The following IL31RA variants were observed in gnomAD, a reference collection of about 807,000 sequenced individuals.
IL31RA encodes interleukin 31 receptor A.
Under a neutral mutation model 83.7 loss-of-function variants are expected in IL31RA, and 66 were observed. That is an observed-to-expected ratio of 0.79 (90% CI 0.65 to 0.97). The LOEUF is 0.97. IL31RA is among the 50% of genes least tolerant of loss of function. The pLI is 0.00. For missense variants in IL31RA, 798 were observed against 919.4 expected, an observed-to-expected ratio of 0.87 and a Z score of 1.71; for synonymous variants, 325 against 329.0, an observed-to-expected ratio of 0.99 and a Z score of 0.13.
chr5:55,890,034 AG>A lies in IL31RA; in HGVS notation c.672del (p.Gln224HisfsTer8). On this transcript the variant is annotated frameshift_variant, in exon 6 of 15. Coordinates refer to ENST00000652347, the MANE Select transcript of IL31RA (RefSeq NM_139017.7). LOFTEE classifies it high-confidence loss of function. ...KNQTYNLTGL[Q>X]PFTEYVIALR... ...CAAACGTACAACCTCACGGGGCTGC[AG>A]CCTTTTACAGAATATGTCATAGCTC... 6.2e-7 allele frequency: 1 copy of A among 1,614,088 alleles called. No individual in the cohort carries two copies. The highest frequency in any genetic ancestry group is 8.5e-7 in the Non-Finnish European group (1 of 1,179,932).
At chr5:55,904,835 C>CTTTTTT (rs10651049) in intron 8 of IL31RA, among the ~76,000 whole-genome samples, 1 of 132,894 alleles carries the variant, frequency 7.5e-6, no homozygotes, top group Non-Finnish European at 1.6e-5. Flanking sequence ...TTTTGGGTTT[C>CTTTTTT]TTTTTTTTTT....
chr5:55,905,838 A>G (rs991556844), intron 8 of IL31RA, among the ~76,000 whole-genome samples: 2 of 152,230 alleles, frequency 1.3e-5, no homozygotes, highest in African/African-American at 4.8e-5. Context: ...CTTTTTAGTC[A>G]TCAACTGTCT....
intron 9 of IL31RA, 40 bp from the exon 10 acceptor site, chr5:55,907,319 G>A (rs373775248): frequency 5.8e-5 from 73 of 1,249,988 alleles, no homozygotes; most frequent in South Asian, 1.3e-4. Flanking sequence ...CCACTCTGCC[G>A]TGCTCTGCAC....
intron 6 of IL31RA, 95 bp downstream of exon 6, chr5:55,890,230 C>A: frequency 8.1e-7 from 1 of 1,236,400 alleles, no homozygotes; most frequent in Non-Finnish European, 1.2e-6. Context: ...GGTTGGGAAT[C>A]ATGGAATCTC....
At chr5:55,854,968 C>T (rs1254561254) in intron 1 of IL31RA, among the ~76,000 whole-genome samples, 1 of 152,044 alleles carries the variant, frequency 6.6e-6, no homozygotes, top group Non-Finnish European at 1.5e-5. Context: ...ACAGGGCACC[C>T]TTCTACTTGA....
chr5:55,874,303 T>A lies in IL31RA; in HGVS notation c.454+1852T>A, dbSNP rs150341535. ...TAGGCCAATACCACACTGTCTTGAT[T>A]ACTGTAGCCTTATAATAAGTTTTGA... On this transcript the variant is annotated intron_variant, in intron 4 of 14. Transcript: ENST00000652347. Among the ~76,000 whole-genome samples, 209 of 152,256 alleles carry A rather than the reference T, an allele frequency of 1.4e-3. 1 individual carries two copies. The Middle Eastern group carries it at 0.017, about 12-fold the overall frequency.
chr5:55,883,857 G>A (rs1306930933), intron 5 of IL31RA, among the ~76,000 whole-genome samples: 1 of 152,084 alleles, frequency 6.6e-6, no homozygotes, highest in Non-Finnish European at 1.5e-5. Context: ...GCATATAAAG[G>A]GAATCCATAT....
At chr5:55,908,514 A>T (rs1344396358) in intron 11 of IL31RA, 103 bp downstream of exon 11, 10 of 1,609,266 alleles carry the variant, frequency 6.2e-6, no homozygotes, top group Non-Finnish European at 7.6e-6. Context: ...TGTGACTTGC[A>T]ACCTGGCATG....
intron 8 of IL31RA, 47 bp downstream of exon 8, chr5:55,900,179 T>C: frequency 7.3e-7 from 1 of 1,372,102 alleles, no homozygotes; most frequent in Non-Finnish European, 1.0e-6. Flanking sequence ...TCCCATCAAT[T>C]GGCCAAGGAG....
intron 6 of IL31RA, among the ~76,000 whole-genome samples, chr5:55,891,600 C>A (rs898584682): frequency 3.3e-5 from 5 of 152,000 alleles, no homozygotes; most frequent in Non-Finnish European, 7.4e-5. Flanking sequence ...TGTGTCAAAC[C>A]TCTCTGCCTC....
intron 13 of IL31RA, among the ~76,000 whole-genome samples, chr5:55,914,411 A>T (rs891880640): frequency 6.6e-6 from 1 of 152,216 alleles, no homozygotes; most frequent in Non-Finnish European, 1.5e-5. Context: ...GTTCATTTCT[A>T]ACAAGTTCCC....
At chr5:55,899,583 C>T (rs1748680550) in intron 7 of IL31RA, among the ~76,000 whole-genome samples, 1 of 152,234 alleles carries the variant, frequency 6.6e-6, no homozygotes, top group Non-Finnish European at 1.5e-5. Context: ...GGGAATGTGT[C>T]AGCTTTTTAG....
intron 2 of IL31RA, among the ~76,000 whole-genome samples, chr5:55,861,228 G>A (rs973297381): frequency 3.3e-5 from 5 of 152,152 alleles, no homozygotes; most frequent in African/African-American, 4.8e-5. Flanking sequence ...CTTCTGTCCT[G>A]GCATGGCCTG....
chr5:55,851,458 A>C lies in IL31RA; in HGVS notation c.-113A>C. The C allele has an allele frequency of 6.2e-7, 1 of 1,604,442 alleles. No homozygotes were observed. The highest frequency in any genetic ancestry group is 1.1e-5 in the South Asian group (1 of 90,262). On this transcript the variant is annotated 5_prime_UTR_variant, in exon 1 of 15. Coordinates refer to ENST00000652347, the MANE Select transcript of IL31RA (RefSeq NM_139017.7). ...CTCATAAAAGGCAAAAAATTGCAAA[A>C]AAAAATAGTAATAACCAGCATGGCA... is the stretch of plus-strand genomic sequence containing the variant.
chr5:55,878,341 C>T (rs768732289), intron 4 of IL31RA, among the ~76,000 whole-genome samples: 9 of 152,102 alleles, frequency 5.9e-5, no homozygotes, highest in Non-Finnish European at 1.0e-4. Flanking sequence ...GATGGCTGGG[C>T]TTCCTCAAGG....
intron 12 of IL31RA, among the ~76,000 whole-genome samples, chr5:55,910,919 C>T (rs554024278): frequency 1.8e-4 from 27 of 152,242 alleles, no homozygotes; most frequent in South Asian, 8.3e-4. Context: ...TGGGCAGCCA[C>T]AAATCATCTG....
intron 4 of IL31RA, among the ~76,000 whole-genome samples, chr5:55,875,130 C>T (rs919025591): frequency 6.6e-6 from 1 of 152,102 alleles, no homozygotes; most frequent in African/African-American, 2.4e-5. Context: ...GTGGGATGAT[C>T]ATATGGTTTT....
rs1057140488 is a variant in IL31RA, at chr5:55,917,173, GAGA to G, written c.*57_*59del. ...GCCTCAGTGTGGATGGCCCTTGCCA[GAGA>G]AGATGTCAAGACTCGGCACGCAGCG... is the stretch of plus-strand genomic sequence containing the variant. On this transcript the variant is annotated 3_prime_UTR_variant, in exon 15 of 15. Transcript: ENST00000652347. 2 of 1,612,094 alleles carry G rather than the reference GAGA, an allele frequency of 1.2e-6. No individual in the cohort carries two copies. Among genetic ancestry groups the G allele is most frequent in the African/African-American group, 1.3e-5 (1 of 74,938 alleles).
At chr5:55,861,304 C>T (rs1036171691) in intron 2 of IL31RA, among the ~76,000 whole-genome samples, 1 of 152,146 alleles carries the variant, frequency 6.6e-6, no homozygotes, top group African/African-American at 2.4e-5. Flanking sequence ...CCCCAACCCC[C>T]AGGCTGCAGA....
Sources: gnomAD v4.1 joint callset for allele counts (sites outside exome capture counted in the v4.1 genomes callset) on GRCh38, gnomAD v4.1.1 for gene constraint, MANE v1.5 for transcripts, NCBI Gene and HGNC (gene_info 2026-07-23, HGNC 2026-07-21) for gene names.